MYH16: variants seen among roughly 807,000 people sequenced by gnomAD.
MYH16 encodes putative uncharacterized protein MYH16.
chr7:99,309,454 G>GGCAC (rs1792728792), downstream of MYH16, among the ~76,000 whole-genome samples: 1 of 152,154 alleles, frequency 6.6e-6, no homozygotes, highest in Non-Finnish European at 1.5e-5. Flanking sequence ...TAAAATATGG[G>GGCAC]GCACAGAATC....
intron 38 of MYH16, among the ~76,000 whole-genome samples, chr7:99,302,796 G>A (rs148787707): frequency 7.3e-4 from 110 of 151,554 alleles, no homozygotes; most frequent in Non-Finnish European, 2.9e-4. Flanking sequence ...TGGGAGGATC[G>A]CTTGAGCCTA....
chr7:99,277,494 C>G lies in MYH16; in HGVS notation n.2486-45C>G, dbSNP rs544671621. On this transcript the variant is annotated intron_variant and non_coding_transcript_variant, in intron 20 of 41. Coordinates refer to ENST00000439784, the Ensembl canonical transcript of MYH16. ...CCACAGCCCTCCGTCTACCCCCCAG[C>G]AAACCCCATTCTCCTAACACTCTTT... 4.1e-4 allele frequency: 179 copies of G among 437,890 alleles called. 2 individuals carry two copies. Among genetic ancestry groups the G allele is most frequent in the South Asian group, 2.8e-3 (173 of 61,450 alleles). 27.1% of individuals were successfully genotyped at this position (437,890 alleles called of 1,614,324 possible).
intron 40 of MYH16, 47 bp from the exon 22 acceptor site, chr7:99,305,784 AAAAAC>A (rs1261275354): frequency 2.6e-5 from 4 of 152,968 alleles, no homozygotes; most frequent in Admixed American, 2.0e-4. Context: ...CAGAAAAACA[AAAAAC>A]AAAACACACA....
chr7:99,259,342 A>C (rs1265714337), intron 11 of MYH16, among the ~76,000 whole-genome samples: 1 of 152,184 alleles, frequency 6.6e-6, no homozygotes, highest in Non-Finnish European at 1.5e-5. Context: ...GGCCGCATGC[A>C]GTGGCTTATG....
At chr7:99,244,436 T>A (rs1791704981) in intron 2 of MYH16, among the ~76,000 whole-genome samples, 1 of 152,232 alleles carries the variant, frequency 6.6e-6, no homozygotes. Context: ...ATGGGTTGTC[T>A]AAGGACGTGT....
chr7:99,255,166 G>A (rs1791371131), intron 8 of MYH16, among the ~76,000 whole-genome samples: 1 of 152,156 alleles, frequency 6.6e-6, no homozygotes, highest in Admixed American at 6.5e-5. Context: ...CTACTTAGGA[G>A]GCTGAGGTGC....
chr7:99,304,884 T>C, intron 40 of MYH16, 128 bp downstream of exon 21: 1 of 152,224 alleles, frequency 6.6e-6, no homozygotes. Context: ...GTTATGCAAC[T>C]GTTAAGAAGA....
chr7:99,308,411 A>G (rs972687094), downstream of MYH16, among the ~76,000 whole-genome samples: 7 of 151,676 alleles, frequency 4.6e-5, no homozygotes, highest in East Asian at 1.3e-3. Flanking sequence ...CTGGGAGTAG[A>G]TCTAAAAGGA....
chr7:99,277,795 A>G (rs1792136097), intron 21 of MYH16, 83 bp downstream of exon 3: 1 of 368,860 alleles, frequency 2.7e-6, no homozygotes. Flanking sequence ...TCTTCCAAAA[A>G]CCCATGTCCC....
downstream of MYH16, among the ~76,000 whole-genome samples, chr7:99,307,047 G>C (rs1200851370): frequency 6.6e-6 from 1 of 152,094 alleles, no homozygotes; most frequent in Non-Finnish European, 1.5e-5. Flanking sequence ...CACAGCCCTC[G>C]GGTGGGGTGC....
chr7:99,267,545 CAAG>C (rs570339771), intron 18 of MYH16, among the ~76,000 whole-genome samples: 191 of 152,246 alleles, frequency 1.3e-3, no homozygotes, highest in African/African-American at 3.4e-3. Flanking sequence ...CCTGAGTGTC[CAAG>C]AATAAAAAGG....
At chr7:99,270,369 T>G (rs1272023908) in intron 18 of MYH16, among the ~76,000 whole-genome samples, 1 of 150,538 alleles carries the variant, frequency 6.6e-6, no homozygotes, top group Non-Finnish European at 1.5e-5. Context: ...TTGCCCAGGC[T>G]GGAGTGCAGT....
rs191947859 is a variant in MYH16 at position 99,283,299 on chromosome 7, G to C, written n.2993-266G>C. Among the ~76,000 whole-genome samples, 12 of 152,270 alleles carry C rather than the reference G, an allele frequency of 7.9e-5. No individual in the cohort carries two copies. The East Asian group carries it at 2.3e-3, about 29-fold the overall frequency. On this transcript the variant is annotated intron_variant and non_coding_transcript_variant, in intron 23 of 41. Coordinates refer to ENST00000439784, the Ensembl canonical transcript of MYH16. ...GACAGGGTCTGACTCTGTCACCCAGGCTCGGGTGCAGTGGTACGATCATAG... is the reference window on the plus strand; with the variant it reads ...GACAGGGTCTGACTCTGTCACCCAGCCTCGGGTGCAGTGGTACGATCATAG...
At chr7:99,291,333 T>C (rs763452958) in exon 31 of MYH16, 1 of 456,004 alleles carries the variant, frequency 2.2e-6, no homozygotes, top group Non-Finnish European at 4.4e-6. Flanking sequence ...CTGAAAATAG[T>C]GAACTGAGCA....
chr7:99,291,413 T>G (rs577998669), exon 31 of MYH16: 1 of 456,190 alleles, frequency 2.2e-6, no homozygotes, highest in African/African-American at 2.0e-5. Context: ...ACGTCACAAG[T>G]GGATGATTAC....
intron 21 of MYH16, among the ~76,000 whole-genome samples, chr7:99,278,507 C>T (rs1195557211): frequency 6.6e-6 from 1 of 152,214 alleles, no homozygotes; most frequent in Non-Finnish European, 1.5e-5. Flanking sequence ...AGTGAATTCA[C>T]TGCTGGGGTC....
chr7:99,278,983 G>C (rs1275869787), intron 21 of MYH16, among the ~76,000 whole-genome samples: 1 of 152,156 alleles, frequency 6.6e-6, no homozygotes, highest in Non-Finnish European at 1.5e-5. Context: ...CTTGAGCCCA[G>C]GAGTTCAAGA....
At chr7:99,291,367 C>T (rs1158035531) in exon 31 of MYH16, 4 of 456,520 alleles carry the variant, frequency 8.8e-6, no homozygotes, top group South Asian at 3.1e-5. Context: ...GTCCCAGAGC[C>T]GGCTCAATCA....
At chr7:99,246,392 C>T (rs989657204) in intron 2 of MYH16, among the ~76,000 whole-genome samples, 23 of 151,434 alleles carry the variant, frequency 1.5e-4, no homozygotes, top group African/African-American at 5.6e-4. Context: ...TATTAAGTGG[C>T]AAAAGCAAGA....
Sources: gnomAD v4.1 joint callset for allele counts (sites outside exome capture counted in the v4.1 genomes callset) on GRCh38, gnomAD v4.1.1 for gene constraint, MANE v1.5 for transcripts, NCBI Gene and HGNC (gene_info 2026-07-23, HGNC 2026-07-21) for gene names.